LIPA: variants seen among roughly 807,000 people sequenced by gnomAD.
LIPA encodes lipase A, lysosomal acid type, also known as lysosomal acid lipase/cholesteryl ester hydrolase.
A neutral mutation model predicts 40.6 loss-of-function variants in LIPA; 26 were observed. That is an observed-to-expected ratio of 0.64 (90% CI 0.47 to 0.89). The LOEUF is 0.89. Among genes scored for constraint, LIPA ranks in the 40% least tolerant of loss-of-function variants. The pLI is 0.00. For synonymous variants in LIPA, 188 were observed against 168.4 expected, an observed-to-expected ratio of 1.12 and a Z score of -0.90; for missense variants, 455 against 479.6, an observed-to-expected ratio of 0.95 and a Z score of 0.48.
intron 2 of LIPA, chr10:89,404,750 T>A (rs1424358216): frequency 6.6e-6 from 1 of 151,536 alleles, no homozygotes; most frequent in African/African-American, 2.4e-5. Flanking sequence ...AACCCAGGAG[T>A]TCGAGAGCAG....
In LIPA at chr10:89,414,509, G is replaced by A. The variant is rs1316061434; in HGVS notation, c.-174C>T. On this transcript the variant is annotated 5_prime_UTR_variant, in exon 1 of 9. Coordinates refer to the LIPA transcript ENST00000371837. ...GCAAACGTCTGGCCGCGGCTCTTGA[G>A]CTCTTCTATTAAGTTTCGGTTTCTG... The A allele has an allele frequency of 3.2e-5, 13 of 401,288 alleles. No homozygotes were observed. In the East Asian group the frequency reaches 4.9e-4, roughly 15 times the overall value. The allele number at this position is 401,288 out of a possible 1,614,324, so 24.9% of individuals were successfully genotyped here.
chr10:89,413,034 G>A, intron 1 of LIPA: 1 of 173,888 alleles, frequency 5.8e-6, no homozygotes, highest in East Asian at 1.8e-4. Flanking sequence ...ACAAGCCCCA[G>A]TGTGTGTTGT....
At chr10:89,335,747 T>C (rs1843728694) in intron 1 of LIPA, among the ~76,000 whole-genome samples, 1 of 152,204 alleles carries the variant, frequency 6.6e-6, no homozygotes, top group Admixed American at 6.5e-5. Flanking sequence ...TACATTCTAT[T>C]GATCTGAGAC....
chr10:89,218,309 T>A (rs1842653702), intron 8 of LIPA, among the ~76,000 whole-genome samples: 1 of 152,224 alleles, frequency 6.6e-6, no homozygotes, highest in Non-Finnish European at 1.5e-5. Context: ...TAAGGACAGA[T>A]GATTTATGAC....
chr10:89,216,015 AAG>A lies in LIPA; in HGVS notation c.895-8_895-7del. ...AACTTTTGGAATTTAACAGCCTAAAAAGAAGATAATTTGGAAAAGAGTTATCT... is the reference window on the plus strand; with the variant it reads ...AACTTTTGGAATTTAACAGCCTAAAAAAGATAATTTGGAAAAGAGTTATCT... On this transcript the variant is annotated splice_polypyrimidine_tract_variant and splice_region_variant and intron_variant, in intron 8 of 9. Transcript: ENST00000336233. The A allele has an allele frequency of 1.3e-6, 2 of 1,597,186 alleles. No individual in the cohort carries two copies. Among genetic ancestry groups the A allele is most frequent in the Non-Finnish European group, 1.7e-6 (2 of 1,164,546 alleles).
chr10:89,365,195 G>T (rs1844048412), intron 2 of LIPA, among the ~76,000 whole-genome samples: 1 of 152,194 alleles, frequency 6.6e-6, no homozygotes, highest in Non-Finnish European at 1.5e-5. Context: ...TTTCCAAGGA[G>T]CTCTCCTGGC....
chr10:89,246,430 A>C (rs1319082230), intron 2 of LIPA, among the ~76,000 whole-genome samples: 1 of 152,246 alleles, frequency 6.6e-6, no homozygotes, highest in African/African-American at 2.4e-5. Context: ...CTCTACCATA[A>C]GTACTTGAAA....
intron 5 of LIPA, 31 bp downstream of exon 5, chr10:89,226,864 T>C: frequency 8.1e-7 from 1 of 1,233,736 alleles, no homozygotes. Flanking sequence ...GAAGAATTTA[T>C]ATCAACTTCT....
At chr10:89,407,517 C>A (rs1328731706) in intron 2 of LIPA, among the ~76,000 whole-genome samples, 1 of 152,212 alleles carries the variant, frequency 6.6e-6, no homozygotes, top group Non-Finnish European at 1.5e-5. Context: ...CTCAGACAAG[C>A]AGGCCTAACA....
intron 2 of LIPA, among the ~76,000 whole-genome samples, chr10:89,367,173 C>A (rs867323133): frequency 4.9e-5 from 6 of 122,872 alleles, no homozygotes; most frequent in Non-Finnish European, 8.5e-5. Context: ...CGGGGCCTGT[C>A]GTGGGGTGGG....
At chr10:89,366,309 C>G (rs1231557839) in intron 2 of LIPA, among the ~76,000 whole-genome samples, 1 of 152,130 alleles carries the variant, frequency 6.6e-6, no homozygotes, top group Non-Finnish European at 1.5e-5. Context: ...TATCCTGAGA[C>G]TTTGCTGAAG....
intron 1 of LIPA, chr10:89,328,220 T>C: frequency 1.1e-6 from 1 of 897,496 alleles, no homozygotes. Context: ...ATTTGTAAGA[T>C]GTTTGAGGGG....
intron 1 of LIPA, among the ~76,000 whole-genome samples, chr10:89,312,849 G>A (rs903756610): frequency 1.3e-5 from 2 of 151,788 alleles, no homozygotes; most frequent in African/African-American, 4.8e-5. Flanking sequence ...AGTTGACCAA[G>A]AGAATGAGAT....
At chr10:89,276,585 T>C (rs1361905781) in intron 1 of LIPA, among the ~76,000 whole-genome samples, 1 of 152,182 alleles carries the variant, frequency 6.6e-6, no homozygotes, top group East Asian at 1.9e-4. Flanking sequence ...CCTTAGATGA[T>C]CAAATGACCT....
chr10:89,370,317 T>G (rs1206271508), intron 2 of LIPA, among the ~76,000 whole-genome samples: 1 of 151,858 alleles, frequency 6.6e-6, no homozygotes, highest in African/African-American at 2.4e-5. Context: ...CTCAAACACC[T>G]GGGCTCAAGC....
Position 89,359,844 on chromosome 10 carries a change from A to AAC in LIPA, c.61+52945_61+52946dup, listed in dbSNP as rs72449416. On this transcript the variant is annotated intron_variant, in intron 2 of 8. Transcript: ENST00000371837. ...ACACACACACACACACACACACACA[A>AAC]ACACACACACACACAATGATAATGC... 1.4e-3 allele frequency among the ~76,000 whole-genome samples: 159 copies of AAC among 111,338 alleles called. 2 individuals are homozygous for AAC. In the Middle Eastern group the frequency reaches 0.029, roughly 20 times the overall value. 73.0% of individuals were successfully genotyped at this position (111,338 alleles called of 152,430 possible).
intron 2 of LIPA, among the ~76,000 whole-genome samples, chr10:89,389,975 CTTT>C (rs56947144): frequency 1.1e-3 from 91 of 80,332 alleles, no homozygotes; most frequent in African/African-American, 4.5e-3. Flanking sequence ...AGATTTCTTT[CTTT>C]TTTTTTTTTT....
At chr10:89,362,181 G>A (rs1055736970) in intron 2 of LIPA, 1 of 152,084 alleles carries the variant, frequency 6.6e-6, no homozygotes, top group South Asian at 2.1e-4. Context: ...TAGGATTGCA[G>A]GTGTGAGCCA....
In LIPA at chr10:89,225,039, A is replaced by C. The variant is rs901688062; in HGVS notation, c.675+53T>G. On this transcript the variant is annotated intron_variant, in intron 6 of 9. Coordinates refer to ENST00000336233, the MANE Select transcript of LIPA (RefSeq NM_000235.4). ...ATCCCTCCCCTTGCCATTTCTTCAG[A>C]TCTCAGGAGGAAATCTGCGGGGAGA... 1.3e-5 allele frequency: 21 copies of C among 1,600,086 alleles called. No homozygotes were observed. The African/African-American group carries it at 2.8e-4, about 21-fold the overall frequency.
Sources: allele counts gnomAD v4.1 joint callset (sites outside exome capture counted in the v4.1 genomes callset), GRCh38; gene constraint gnomAD v4.1.1; transcripts MANE v1.5; gene names NCBI Gene and HGNC (gene_info 2026-07-23, HGNC 2026-07-21).